Variants in XNDC1N observed in about 807,000 individuals in gnomAD.
XNDC1N encodes the protein XRCC1 N-terminal domain containing 1, N-terminal like, also known as protein XNDC1N.
chr11:71,899,087 C>T, the XNDC1N span, among the ~76,000 whole-genome samples: 11 of 152,260 alleles, frequency 7.2e-5, no homozygotes, highest in African/African-American at 2.4e-4. Flanking sequence ...CATTATTATA[C>T]GGACATCCTT....
the XNDC1N span, among the ~76,000 whole-genome samples, chr11:71,866,151 T>G: frequency 0.017 from 2,648 of 151,968 alleles, 75 homozygotes; most frequent in African/African-American, 0.061. Flanking sequence ...AACCCCTTTT[T>G]TTTTTTTTTA....
the XNDC1N span, among the ~76,000 whole-genome samples, chr11:71,899,531 C>T: frequency 3.3e-5 from 5 of 152,210 alleles, no homozygotes; most frequent in Non-Finnish European, 7.3e-5. Context: ...CTGAAGCTCA[C>T]AAAAACATGT....
the XNDC1N span, among the ~76,000 whole-genome samples, chr11:71,879,358 A>G: frequency 6.6e-6 from 1 of 152,202 alleles, no homozygotes; most frequent in African/African-American, 2.4e-5. Context: ...TATTTATTAA[A>G]TAATCAATAT....
the XNDC1N span, among the ~76,000 whole-genome samples, chr11:71,914,628 A>G: frequency 6.3e-4 from 96 of 152,024 alleles, no homozygotes; most frequent in Admixed American, 1.0e-3. Context: ...CAGAGGTTGC[A>G]GTGAGCCGAG....
the XNDC1N span, among the ~76,000 whole-genome samples, chr11:71,897,501 G>A: frequency 3.3e-5 from 5 of 152,128 alleles, no homozygotes; most frequent in African/African-American, 1.2e-4. Context: ...CTCATCATAG[G>A]GAAGCACAAA....
the XNDC1N span, among the ~76,000 whole-genome samples, chr11:71,924,979 T>C: frequency 6.6e-6 from 1 of 152,044 alleles, no homozygotes; most frequent in African/African-American, 2.4e-5. Flanking sequence ...CATAATGGTC[T>C]TTTTCTTACC....
the XNDC1N span, among the ~76,000 whole-genome samples, chr11:71,902,442 C>T: frequency 3.3e-5 from 5 of 152,324 alleles, no homozygotes; most frequent in African/African-American, 1.2e-4. Flanking sequence ...CCGCCCTCCT[C>T]GGCCTCCCAA....
At chr11:71,884,588 T>A in the XNDC1N span, 1 of 1,576,100 alleles carries the variant, frequency 6.3e-7, no homozygotes, top group Admixed American at 1.8e-5. Flanking sequence ...TTCTTCAGAC[T>A]CCAGGAGAAA....
the XNDC1N span, chr11:71,917,542 C>T: frequency 1.4e-6 from 1 of 703,666 alleles, no homozygotes; most frequent in Non-Finnish European, 2.6e-6. Context: ...CACCTAATAG[C>T]ACTCACAGTC....
chr11:71,884,856 G>A, the XNDC1N span, among the ~76,000 whole-genome samples: 3 of 151,252 alleles, frequency 2.0e-5, no homozygotes, highest in African/African-American at 4.9e-5. Context: ...AACCCCTATC[G>A]CAGGGGGGTG....
At chr11:71,907,907 C>T in the XNDC1N span, among the ~76,000 whole-genome samples, 1 of 152,112 alleles carries the variant, frequency 6.6e-6, no homozygotes, top group African/African-American at 2.4e-5. Context: ...GGAGTAATAG[C>T]ATTCTCTTCT....
the XNDC1N span, among the ~76,000 whole-genome samples, chr11:71,885,041 G>A: frequency 0.045 from 6,823 of 152,206 alleles, 520 homozygotes; most frequent in African/African-American, 0.16. Context: ...TTATCAAATT[G>A]TGAGTAATAT....
the XNDC1N span, among the ~76,000 whole-genome samples, chr11:71,907,872 G>A: frequency 6.6e-6 from 1 of 152,072 alleles, no homozygotes; most frequent in Middle Eastern, 3.2e-3. Flanking sequence ...ATCTCACACG[G>A]GGGTGTACAC....
the XNDC1N span, among the ~76,000 whole-genome samples, chr11:71,917,977 A>G: frequency 6.6e-6 from 1 of 152,194 alleles, no homozygotes; most frequent in Non-Finnish European, 1.5e-5. Flanking sequence ...CACGTTCACC[A>G]TGTTCCTCCC....
chr11:71,919,762 C>T, the XNDC1N span, among the ~76,000 whole-genome samples: 3 of 148,318 alleles, frequency 2.0e-5, no homozygotes, highest in African/African-American at 5.0e-5. Flanking sequence ...GGACTACAGG[C>T]GCCCACCACC....
the XNDC1N span, among the ~76,000 whole-genome samples, chr11:71,909,039 C>G: frequency 5.7e-3 from 863 of 152,232 alleles, 6 homozygotes; most frequent in African/African-American, 0.02. Context: ...ACAATTCTAC[C>G]AGAGACTGTG....
At chr11:71,920,742 G>T in the XNDC1N span, among the ~76,000 whole-genome samples, 1 of 152,146 alleles carries the variant, frequency 6.6e-6, no homozygotes. Context: ...TAGTGATATT[G>T]AATATAAATT....
At chr11:71,895,650 A>G in the XNDC1N span, among the ~76,000 whole-genome samples, 4 of 152,182 alleles carry the variant, frequency 2.6e-5, no homozygotes, top group Non-Finnish European at 5.9e-5. Context: ...TACATTTTAC[A>G]TTTGTTGAAG....
the XNDC1N span, among the ~76,000 whole-genome samples, chr11:71,924,476 A>G: frequency 6.6e-6 from 1 of 152,160 alleles, no homozygotes; most frequent in Admixed American, 6.5e-5. Flanking sequence ...CAGGAGATTG[A>G]GACCATCCTG....
Sources: allele counts gnomAD v4.1 joint callset (sites outside exome capture counted in the v4.1 genomes callset), GRCh38; gene constraint gnomAD v4.1.1; transcripts MANE v1.5; gene names NCBI Gene and HGNC (gene_info 2026-07-23, HGNC 2026-07-21).